POLR3B: variants seen among roughly 807,000 people sequenced by gnomAD.
The protein encoded by POLR3B is DNA-directed RNA polymerase III subunit RPC2.
POLR3B carries 96 observed loss-of-function variants against 147.4 expected under a neutral mutation model. The observed-to-expected ratio is 0.65, with a 90% confidence interval of 0.55 to 0.77. The LOEUF is 0.77. Ranked by LOEUF, POLR3B falls within the 30% of genes least tolerant of loss-of-function variation. The pLI, the probability that POLR3B is intolerant of heterozygous loss-of-function variation, is 0.00. For synonymous variants in POLR3B, 461 were observed against 485.9 expected (o/e 0.95, Z 0.67); for missense variants, 1,036 against 1,413.5 (o/e 0.73, Z 4.28).
chr12:106,442,080 C>CA (rs1264618766), intron 18 of POLR3B, among the ~76,000 whole-genome samples: 54 of 97,352 alleles, frequency 5.5e-4, no homozygotes, highest in Admixed American at 9.7e-4. Context: ...AAATCCGCCT[C>CA]AAAAAAAAAA....
At chr12:106,389,063 T>C (rs1214375866) in intron 9 of POLR3B, among the ~76,000 whole-genome samples, 2 of 152,216 alleles carry the variant, frequency 1.3e-5, no homozygotes, top group African/African-American at 4.8e-5. Context: ...ATTTCAGATA[T>C]CTGGAGTACA....
chr12:106,389,587 GT>G (rs2036886361), intron 9 of POLR3B, among the ~76,000 whole-genome samples: 1 of 146,106 alleles, frequency 6.8e-6, no homozygotes. Context: ...GACCAGCAGT[GT>G]TTAGGATTTC....
At chr12:106,408,957 A>C (rs2037185064) in intron 11 of POLR3B, among the ~76,000 whole-genome samples, 1 of 152,208 alleles carries the variant, frequency 6.6e-6, no homozygotes, top group South Asian at 2.1e-4. Context: ...CTGTACCTCT[A>C]ATCGAGTGGC....
At chr12:106,437,622 T>A in intron 17 of POLR3B, 59 bp from the exon 18 acceptor site, 1 of 924,942 alleles carries the variant, frequency 1.1e-6, no homozygotes, top group African/African-American at 1.6e-5. Context: ...CCTGTTATTA[T>A]ATAAAATACT....
chr12:106,487,241 C>T (rs1035470487), intron 23 of POLR3B, among the ~76,000 whole-genome samples: 7 of 152,188 alleles, frequency 4.6e-5, no homozygotes, highest in Non-Finnish European at 4.4e-5. Context: ...ATGTGTCACA[C>T]CACGATTCCT....
At chr12:106,409,487 A>C (rs2037195447) in intron 11 of POLR3B, among the ~76,000 whole-genome samples, 1 of 151,316 alleles carries the variant, frequency 6.6e-6, no homozygotes, top group Non-Finnish European at 1.5e-5. Context: ...ACCACATTCA[A>C]ACACATTTCT....
chr12:106,475,768 A>C (rs370057015), intron 23 of POLR3B, among the ~76,000 whole-genome samples: 15 of 148,376 alleles, frequency 1.0e-4, no homozygotes, highest in East Asian at 4.0e-4. Flanking sequence ...GTCTCTGCAC[A>C]TGAGATGGGT....
At chr12:106,399,506 A>T (rs1196860290) in intron 10 of POLR3B, among the ~76,000 whole-genome samples, 1 of 152,132 alleles carries the variant, frequency 6.6e-6, no homozygotes, top group East Asian at 1.9e-4. Flanking sequence ...GAGAAGAGCA[A>T]CTCCAAGACG....
At position 106,508,785 on chromosome 12, in the gene POLR3B, A is replaced by G. The variant is rs536452100; in HGVS notation, c.3273-635A>G. On this transcript the variant is annotated intron_variant, in intron 27 of 27. Transcript: ENST00000228347. ...ACATACACACATTTCTTAGTTTTGC[A>G]CAAGGGACAACATGTTGTAAGTATA... 5.3e-5 allele frequency among the ~76,000 whole-genome samples: 8 copies of G among 152,366 alleles called. No individual in the cohort carries two copies. In the South Asian group the frequency reaches 1.2e-3, roughly 24 times the overall value.
intron 4 of POLR3B, 29 bp downstream of exon 4, chr12:106,366,751 T>G: frequency 6.6e-7 from 1 of 1,513,600 alleles, no homozygotes; most frequent in South Asian, 1.1e-5. Context: ...TAATTTGCTA[T>G]GTGGGTTACA....
chr12:106,487,257 GGTTT>G (rs769927584), intron 23 of POLR3B, among the ~76,000 whole-genome samples: 9 of 152,304 alleles, frequency 5.9e-5, no homozygotes, highest in East Asian at 3.9e-4. Flanking sequence ...TTCCTGCAGA[GGTTT>G]GTTTGTTTGT....
chr12:106,380,434 A>G (rs1375228187), intron 9 of POLR3B, among the ~76,000 whole-genome samples: 1 of 145,894 alleles, frequency 6.9e-6, no homozygotes, highest in Non-Finnish European at 1.5e-5. Context: ...AAAAAAAAAA[A>G]TAGCTGAGTG....
chr12:106,369,919 C>A (rs2036581653), intron 6 of POLR3B, among the ~76,000 whole-genome samples: 2 of 151,974 alleles, frequency 1.3e-5, no homozygotes, highest in African/African-American at 4.8e-5. Flanking sequence ...TACTATAACT[C>A]TGAGCTGCTA....
chr12:106,396,546 G>A (rs939559813), intron 10 of POLR3B, among the ~76,000 whole-genome samples: 1 of 152,096 alleles, frequency 6.6e-6, no homozygotes, highest in African/African-American at 2.4e-5. Context: ...AAACATACAT[G>A]TAAATAGATC....
intron 27 of POLR3B, among the ~76,000 whole-genome samples, chr12:106,507,015 A>C (rs183259410): frequency 4.8e-4 from 73 of 152,280 alleles, no homozygotes; most frequent in African/African-American, 1.6e-3. Flanking sequence ...AGGGATTTGC[A>C]CATTAGTGAG....
In POLR3B at chr12:106,508,092, C is replaced by CT. The variant is rs1485587130; in HGVS notation, c.3273-1322dup. Among the ~76,000 whole-genome samples the CT allele has an allele frequency of 2.0e-5, 3 of 152,288 alleles. No homozygotes were observed. The East Asian group carries it at 5.8e-4, about 29-fold the overall frequency. On this transcript the variant is annotated intron_variant, in intron 27 of 27. Coordinates refer to ENST00000228347, the MANE Select transcript of POLR3B (RefSeq NM_018082.6). ...TGGGACCATGCTGATCAACAAACTG[C>CT]TTTTTTCACCTCACAGTTTGTCCTA...
At position 106,501,279 on chromosome 12, in the gene POLR3B, C is replaced by T. The variant is rs766925057; in HGVS notation, c.2985-44C>T. 2.5e-5 allele frequency: 32 copies of T among 1,265,760 alleles called. No homozygotes were observed. The South Asian group carries it at 3.6e-4, about 14-fold the overall frequency. 78.4% of individuals were successfully genotyped at this position (1,265,760 alleles called of 1,614,324 possible). Reference sequence around the variant, plus strand: ...GGTCCAAAGGCTGTCTCTTGTTAGCCCAAACTTAGTTTCTTAACCCACAAC... The same window carrying T: ...GGTCCAAAGGCTGTCTCTTGTTAGCTCAAACTTAGTTTCTTAACCCACAAC... On this transcript the variant is annotated intron_variant, in intron 25 of 27. Coordinates refer to ENST00000228347, the MANE Select transcript of POLR3B (RefSeq NM_018082.6).
intron 25 of POLR3B, chr12:106,500,197 GTT>G (rs1393263800): frequency 2.2e-6 from 1 of 454,626 alleles, no homozygotes; most frequent in Non-Finnish European, 4.4e-6. Context: ...GAAGAAGAAA[GTT>G]TGAGGCAGTT....
chr12:106,403,369 A>AACCAT (rs1407566948), intron 10 of POLR3B, among the ~76,000 whole-genome samples: 2 of 150,274 alleles, frequency 1.3e-5, no homozygotes, highest in African/African-American at 4.9e-5. Flanking sequence ...GTGGGACTGT[A>AACCAT]AACTAGTTCA....
Sources: gnomAD v4.1 joint callset for allele counts (sites outside exome capture counted in the v4.1 genomes callset) on GRCh38, gnomAD v4.1.1 for gene constraint, MANE v1.5 for transcripts, NCBI Gene and HGNC (gene_info 2026-07-23, HGNC 2026-07-21) for gene names.